Variants in LRRC69 observed in about 807,000 individuals in gnomAD.
The protein encoded by LRRC69 is leucine-rich repeat-containing protein 69.
Under a neutral mutation model 37.8 loss-of-function variants are expected in LRRC69, and 42 were observed. The observed-to-expected ratio is 1.11, with a 90% confidence interval of 0.87 to 1.44. LRRC69 has a LOEUF of 1.44. Among genes scored for constraint, LRRC69 ranks in the 40% most tolerant of loss-of-function variants. The pLI is 0.00. For synonymous variants in LRRC69, 141 were observed against 143.1 expected (o/e 0.99, Z 0.11); for missense variants, 357 against 401.9 (o/e 0.89, Z 0.96).
chr8:91,200,566 T>A, intron 6 of LRRC69, 47 bp from the exon 7 acceptor site: 1 of 1,191,746 alleles, frequency 8.4e-7, no homozygotes, highest in East Asian at 3.0e-5. Flanking sequence ...TAATGTAAAA[T>A]AGTTTTGAAA....
At chr8:91,152,377 A>G (rs1344830026) in intron 5 of LRRC69, among the ~76,000 whole-genome samples, 3 of 151,644 alleles carry the variant, frequency 2.0e-5, no homozygotes, top group Non-Finnish European at 4.4e-5. Context: ...ACCATTTATT[A>G]AATAGGGAAT....
At chr8:91,139,852 G>A (rs1808501712) in intron 5 of LRRC69, among the ~76,000 whole-genome samples, 1 of 151,540 alleles carries the variant, frequency 6.6e-6, no homozygotes, top group Non-Finnish European at 1.5e-5. Context: ...ACTTTGAGAG[G>A]CCGAAGTGGG....
At chr8:91,145,125 C>A (rs1010585973) in intron 5 of LRRC69, among the ~76,000 whole-genome samples, 3 of 151,890 alleles carry the variant, frequency 2.0e-5, no homozygotes, top group African/African-American at 2.4e-5. Flanking sequence ...AAGTGCAATA[C>A]AATTGTGGGA....
chr8:91,143,987 T>G (rs1311470054), intron 5 of LRRC69, among the ~76,000 whole-genome samples: 2 of 152,028 alleles, frequency 1.3e-5, no homozygotes, highest in Non-Finnish European at 1.5e-5. Context: ...TAATAACACT[T>G]GTATACATCA....
intron 5 of LRRC69, chr8:91,139,014 A>G (rs1480870145): frequency 6.6e-6 from 1 of 151,260 alleles, no homozygotes; most frequent in African/African-American, 2.4e-5. Context: ...CTGAGATCAT[A>G]CTCCAGCCTG....
In LRRC69 at chr8:91,148,058, C is replaced by T. The variant is rs191217643; in HGVS notation, c.651+12319C>T. ...ATGATCTCATGCCTTTTTATGGCTG[C>T]ATACTATTCCATGGTGTATGTGTAC... On this transcript the variant is annotated intron_variant, in intron 5 of 7. Transcript: ENST00000448384. Among the ~76,000 whole-genome samples, 775 of 151,636 alleles carry T rather than the reference C, an allele frequency of 5.1e-3. 5 individuals are homozygous for T. The highest frequency in any genetic ancestry group is 0.017 in the African/African-American group (718 of 41,430).
chr8:91,194,473 G>C (rs1156586573), intron 6 of LRRC69, among the ~76,000 whole-genome samples: 1 of 151,952 alleles, frequency 6.6e-6, no homozygotes, highest in Non-Finnish European at 1.5e-5. Flanking sequence ...AATCCATCTG[G>C]TCCTGGACTC....
exon 2 of LRRC69, chr8:91,124,592 A>T: frequency 6.5e-7 from 1 of 1,541,300 alleles, no homozygotes; most frequent in Non-Finnish European, 8.7e-7. Flanking sequence ...TGGAAATAGG[A>T]TCTGTAGATT....
intron 3 of LRRC69, 115 bp from the exon 4 acceptor site, chr8:91,132,995 T>C (rs1321525871): frequency 3.3e-6 from 2 of 610,188 alleles, no homozygotes; most frequent in Non-Finnish European, 5.4e-6. Flanking sequence ...TGAAGTAAGC[T>C]CAGAAGAGCT....
At chr8:91,186,114 C>T (rs936435405) in intron 5 of LRRC69, among the ~76,000 whole-genome samples, 2 of 152,072 alleles carry the variant, frequency 1.3e-5, no homozygotes, top group Non-Finnish European at 2.9e-5. Flanking sequence ...ATCTTGAGTG[C>T]GCAGGGAGAA....
At chr8:91,160,909 C>T (rs1460175197) in intron 5 of LRRC69, among the ~76,000 whole-genome samples, 1 of 151,210 alleles carries the variant, frequency 6.6e-6, no homozygotes, top group Non-Finnish European at 1.5e-5. Flanking sequence ...TTTCCATACT[C>T]ACTATGATTT....
At chr8:91,205,116 G>A (rs923381044) in intron 7 of LRRC69, among the ~76,000 whole-genome samples, 17 of 151,952 alleles carry the variant, frequency 1.1e-4, no homozygotes, top group African/African-American at 4.1e-4. Flanking sequence ...ACTTTTCAGG[G>A]CAAAAATAGA....
intron 5 of LRRC69, among the ~76,000 whole-genome samples, chr8:91,153,195 A>C (rs1808772140): frequency 6.6e-6 from 1 of 151,460 alleles, no homozygotes; most frequent in South Asian, 2.1e-4. Flanking sequence ...CACCCAATAC[A>C]GGAGGACCCA....
At chr8:91,131,244 T>TG (rs201112287) in intron 3 of LRRC69, among the ~76,000 whole-genome samples, 3,076 of 151,124 alleles carry the variant, frequency 0.02, 47 homozygotes, top group Middle Eastern at 0.037. Context: ...TCTTTTTTTT[T>TG]TTTTGTTTTG....
At position 91,171,449 on chromosome 8, in the gene LRRC69, G is replaced by A. The variant is rs139226254; in HGVS notation, c.652-18073G>A. Among the ~76,000 whole-genome samples the A allele has an allele frequency of 2.3e-3, 344 of 152,070 alleles. 3 individuals are homozygous for A. Among genetic ancestry groups the A allele is most frequent in the Non-Finnish European group, 4.0e-3 (269 of 68,006 alleles). On this transcript the variant is annotated intron_variant, in intron 5 of 7. Transcript: ENST00000448384. The stretch of plus-strand genomic sequence containing the variant: ...CCCTCCTGCTCCCTGATTAAAATGC[G>A]TAAGCTGAACCAGCACTGAACTTGA...
rs1563599953 is a variant in LRRC69 at position 91,135,086 on chromosome 8, A to G, written c.580-582A>G. On this transcript the variant is annotated intron_variant, in intron 4 of 7. Coordinates refer to ENST00000448384, the Ensembl canonical transcript of LRRC69. ...GTTTTCAAGTAGGGTGGAAGCCCTT[A>G]TATCATAACATGAGATACTGAAGGA... Among the ~76,000 whole-genome samples the G allele has an allele frequency of 3.9e-5, 6 of 152,042 alleles. No homozygotes were observed. The South Asian group carries it at 1.0e-3, about 26-fold the overall frequency.
chr8:91,128,051 G>A (rs887796508), intron 3 of LRRC69, among the ~76,000 whole-genome samples: 19 of 151,980 alleles, frequency 1.3e-4, no homozygotes, highest in Non-Finnish European at 2.5e-4. Context: ...TTGCAGCAAT[G>A]AAAATGCCAT....
intron 5 of LRRC69, among the ~76,000 whole-genome samples, chr8:91,161,468 C>G (rs141132854): frequency 6.6e-6 from 1 of 151,202 alleles, no homozygotes; most frequent in Non-Finnish European, 1.5e-5. Flanking sequence ...GTTTCAATCT[C>G]ATTACTCATT....
intron 5 of LRRC69, among the ~76,000 whole-genome samples, chr8:91,149,632 T>G (rs1202021856): frequency 6.6e-5 from 10 of 151,742 alleles, no homozygotes; most frequent in South Asian, 2.1e-4. Flanking sequence ...AAAGTCATTG[T>G]TAGCTTGATG....
Sources: allele counts gnomAD v4.1 joint callset (sites outside exome capture counted in the v4.1 genomes callset), GRCh38; gene constraint gnomAD v4.1.1; transcripts MANE v1.5; gene names NCBI Gene and HGNC (gene_info 2026-07-23, HGNC 2026-07-21).